Variants in VAV3 observed in about 807,000 individuals in gnomAD.
VAV3 encodes the protein guanine nucleotide exchange factor VAV3.
In VAV3, 94 loss-of-function variants were observed where a neutral mutation model predicts 131.2. The ratio of observed to expected loss-of-function variants is 0.72; its 90% confidence interval spans 0.61 to 0.85. The LOEUF (loss-of-function observed/expected upper bound fraction) is 0.85. Among genes scored for constraint, VAV3 ranks in the 40% least tolerant of loss-of-function variants. The pLI, the probability that VAV3 is intolerant of heterozygous loss-of-function variation, is 0.00. For missense variants in VAV3, 939 were observed against 1,002.7 expected (o/e 0.94, Z 0.86); for synonymous variants, 349 against 342.0 (o/e 1.02, Z -0.22).
At chr1:107,884,894 A>G (rs1670960769) in intron 1 of VAV3, among the ~76,000 whole-genome samples, 1 of 152,244 alleles carries the variant, frequency 6.6e-6, no homozygotes, top group South Asian at 2.1e-4. Context: ...GAAGTAGTAG[A>G]ATACAGTAAC....
chr1:107,675,219 A>AAGG (rs1658111152), intron 19 of VAV3, among the ~76,000 whole-genome samples: 1 of 152,210 alleles, frequency 6.6e-6, no homozygotes, highest in Non-Finnish European at 1.5e-5. Context: ...GCAATAGAAA[A>AAGG]TACAGGTATC....
chr1:107,814,475 C>T (rs977120813), intron 2 of VAV3, among the ~76,000 whole-genome samples: 1 of 142,586 alleles, frequency 7.0e-6, no homozygotes, highest in South Asian at 2.2e-4. Context: ...CATGTTTTTA[C>T]ATACTTTTTA....
At chr1:107,680,704 G>A (rs1263401694) in intron 19 of VAV3, among the ~76,000 whole-genome samples, 1 of 152,062 alleles carries the variant, frequency 6.6e-6, no homozygotes, top group African/African-American at 2.4e-5. Context: ...GAGCCAACGC[G>A]CCTGGCCTAC....
At chr1:107,954,114 T>C (rs1435857089) in intron 1 of VAV3, among the ~76,000 whole-genome samples, 1 of 152,154 alleles carries the variant, frequency 6.6e-6, no homozygotes, top group Non-Finnish European at 1.5e-5. Context: ...TTTAACACCA[T>C]GAAGGGTCTA....
intron 1 of VAV3, among the ~76,000 whole-genome samples, chr1:107,895,831 T>C (rs1309392624): frequency 6.6e-6 from 1 of 152,028 alleles, no homozygotes; most frequent in Non-Finnish European, 1.5e-5. Flanking sequence ...AATTTTATAC[T>C]TAATAAACAT....
chr1:107,912,330 A>G (rs1425307841), intron 1 of VAV3, among the ~76,000 whole-genome samples: 3 of 152,244 alleles, frequency 2.0e-5, no homozygotes, highest in African/African-American at 7.2e-5. Context: ...TCAGGTTTTA[A>G]AAATGCATAA....
intron 15 of VAV3, among the ~76,000 whole-genome samples, chr1:107,710,553 TTTTA>T (rs1242025303): frequency 2.6e-5 from 4 of 152,178 alleles, no homozygotes; most frequent in African/African-American, 4.8e-5. Context: ...ACAGTCTTAT[TTTTA>T]TTTATTATTA....
intron 20 of VAV3, among the ~76,000 whole-genome samples, chr1:107,629,248 A>G (rs906640741): frequency 7.2e-5 from 11 of 152,242 alleles, no homozygotes; most frequent in African/African-American, 2.7e-4. Context: ...ATTGTAATAG[A>G]AACCATAGAT....
intron 1 of VAV3, among the ~76,000 whole-genome samples, chr1:107,952,113 A>T (rs1287645729): frequency 6.6e-6 from 1 of 152,206 alleles, no homozygotes; most frequent in Admixed American, 6.5e-5. Flanking sequence ...AATGTGGTAC[A>T]TATACACTGT....
In VAV3 at chr1:107,777,173, C is replaced by G. The variant is rs111384525; in HGVS notation, c.446+58G>C. 3 of 1,480,100 alleles carry G rather than the reference C, an allele frequency of 2.0e-6. No homozygotes were observed. In the African/African-American group the frequency reaches 4.2e-5, roughly 21 times the overall value. 91.7% of individuals were successfully genotyped at this position (1,480,100 alleles called of 1,614,324 possible). ...CTTACTTTAACATCCACAGTTAAAACCCACAATGGACACATAAATTGGCAG... is the reference window on the plus strand; with the variant it reads ...CTTACTTTAACATCCACAGTTAAAAGCCACAATGGACACATAAATTGGCAG... On this transcript the variant is annotated intron_variant, in intron 4 of 26. Coordinates refer to ENST00000370056, the MANE Select transcript of VAV3 (RefSeq NM_006113.5).
At chr1:107,708,637 T>C (rs908123068) in intron 15 of VAV3, among the ~76,000 whole-genome samples, 1 of 152,148 alleles carries the variant, frequency 6.6e-6, no homozygotes, top group African/African-American at 2.4e-5. Context: ...GACCTCTTTG[T>C]TCTCCAGATA....
chr1:107,826,278 C>T (rs769775342), intron 2 of VAV3, among the ~76,000 whole-genome samples: 4 of 129,882 alleles, frequency 3.1e-5, no homozygotes, highest in African/African-American at 7.5e-5. Flanking sequence ...TGCTCCATTA[C>T]GCTACTTGCT....
At chr1:107,949,498 A>T (rs1411751504) in intron 1 of VAV3, among the ~76,000 whole-genome samples, 1 of 152,072 alleles carries the variant, frequency 6.6e-6, no homozygotes, top group Non-Finnish European at 1.5e-5. Context: ...AATTGTAGAG[A>T]TAAGCTCTAT....
At chr1:107,756,233 C>T (rs1664091733) in intron 11 of VAV3, among the ~76,000 whole-genome samples, 1 of 152,142 alleles carries the variant, frequency 6.6e-6, no homozygotes, top group South Asian at 2.1e-4. Flanking sequence ...CTGTAACTAG[C>T]TATTTTTGTT....
chr1:107,862,478 T>C (rs938803354), intron 2 of VAV3, among the ~76,000 whole-genome samples: 3 of 151,324 alleles, frequency 2.0e-5, no homozygotes, highest in African/African-American at 7.3e-5. Context: ...ATCTTGTTGA[T>C]AGGAAATACA....
intron 2 of VAV3, among the ~76,000 whole-genome samples, chr1:107,846,872 A>T (rs1668994391): frequency 2.0e-5 from 3 of 152,150 alleles, no homozygotes; most frequent in African/African-American, 7.2e-5. Flanking sequence ...ACGAAACAGA[A>T]AATTAACAAG....
intron 22 of VAV3, among the ~76,000 whole-genome samples, chr1:107,605,762 T>C (rs1188389841): frequency 6.6e-6 from 1 of 152,192 alleles, no homozygotes; most frequent in African/African-American, 2.4e-5. Context: ...ATATAAAACA[T>C]AAATAAATTT....
chr1:107,832,571 A>G (rs973082259), intron 2 of VAV3, among the ~76,000 whole-genome samples: 7 of 152,346 alleles, frequency 4.6e-5, no homozygotes, highest in South Asian at 2.1e-4. Flanking sequence ...AATTTAAAAC[A>G]CAAACTCCAA....
intron 24 of VAV3, among the ~76,000 whole-genome samples, chr1:107,597,072 G>A (rs1177616505): frequency 6.6e-6 from 1 of 152,098 alleles, no homozygotes; most frequent in Admixed American, 6.5e-5. Context: ...AACTGAAACT[G>A]AATAATAATT....
Sources: gnomAD v4.1 joint callset for allele counts (sites outside exome capture counted in the v4.1 genomes callset) on GRCh38, gnomAD v4.1.1 for gene constraint, MANE v1.5 for transcripts, NCBI Gene and HGNC (gene_info 2026-07-23, HGNC 2026-07-21) for gene names.